The following HHLA1 variants were observed in gnomAD, a reference collection of about 807,000 sequenced individuals.
The protein encoded by HHLA1 is HERV-H LTR-associating protein 1.
In HHLA1, 72 loss-of-function variants were observed where a neutral mutation model predicts 69.9. The observed-to-expected ratio is 1.03, with a 90% CI of 0.85 to 1.25. HHLA1 has a LOEUF of 1.25. Ranked by LOEUF, HHLA1 falls within the 50% of genes most tolerant of loss-of-function variation. HHLA1 has a pLI of 0.00. For missense variants in HHLA1, 685 were observed against 642.2 expected (o/e 1.07, Z -0.72); for synonymous variants, 252 against 233.2 (o/e 1.08, Z -0.73).
chr8:132,066,168 C>T (rs1016930259), intron 15 of HHLA1, among the ~76,000 whole-genome samples, 200 bp from the exon 16 acceptor site: 1 of 152,118 alleles, frequency 6.6e-6, no homozygotes, highest in African/African-American at 2.4e-5. Context: ...GACTTTGGGG[C>T]CAGCAAGACT....
chr8:132,109,288 C>G (rs942286278), intron 1 of HHLA1, among the ~76,000 whole-genome samples: 1 of 152,140 alleles, frequency 6.6e-6, no homozygotes, highest in African/African-American at 2.4e-5. Context: ...CAGACCCTGG[C>G]GTTGGAGGAC....
At chr8:132,076,013 A>C in intron 14 of HHLA1, 42 bp downstream of exon 14, 2 of 1,413,994 alleles carry the variant, frequency 1.4e-6, no homozygotes, top group Non-Finnish European at 9.8e-7. Flanking sequence ...CCTTGTTCAA[A>C]ATAAACACAA....
intron 14 of HHLA1, among the ~76,000 whole-genome samples, chr8:132,074,656 A>C (rs1054137048): frequency 1.3e-5 from 2 of 152,152 alleles, no homozygotes; most frequent in Non-Finnish European, 2.9e-5. Context: ...AACCCCTTTA[A>C]TTTGCAATTA....
Position 132,100,092 on chromosome 8 carries a change from G to T in HHLA1, c.182C>A (p.Ala61Glu), listed in dbSNP as rs1399858773. Residue 61 changes from alanine (A) to glutamate (E), a missense_variant, in exon 4 of 17, where the codon GCA (alanine) becomes GAA (glutamate). Coordinates refer to ENST00000414222, the MANE Select transcript of HHLA1 (RefSeq NM_001145095.3). ...REEERKEKGVAFLATTELPAR... is the reference protein window; with the variant it reads ...REEERKEKGVEFLATTELPAR... ...GCACTCACCCGTCGTAGCAAGAAAT[G>T]CCACCCCCTTCTCCTTCCTCTCTTC... 1.3e-6 allele frequency: 2 copies of T among 1,551,330 alleles called. No homozygotes were observed. Among genetic ancestry groups the T allele is most frequent in the Non-Finnish European group, 8.7e-7 (1 of 1,146,776 alleles).
chr8:132,109,959 A>G (rs768212352), intron 1 of HHLA1, among the ~76,000 whole-genome samples: 5 of 152,158 alleles, frequency 3.3e-5, no homozygotes, highest in Non-Finnish European at 5.9e-5. Context: ...TTAATTTGCA[A>G]TATGTCTGTG....
Position 132,087,669 on chromosome 8 carries a change from G to T in HHLA1, c.660C>A (p.Gly220=), listed in dbSNP as rs1327965815. The part of the protein sequence containing the change: ...YPIINYTFTS[G]LSGVLGAATR... ...GGTACTCACCCAGAACACCAGACAA[G>T]CCGCTGGTAAATGTGTAATTGATAA... The change falls in exon 10 of 17, where the codon GGC becomes GGA. Residue 220 remains glycine, a synonymous_variant. Coordinates refer to ENST00000414222, the MANE Select transcript of HHLA1 (RefSeq NM_001145095.3). The T allele has an allele frequency of 6.4e-7, 1 of 1,550,956 alleles. No homozygotes were observed.
intron 10 of HHLA1, chr8:132,080,434 TG>T: frequency 3.5e-6 from 1 of 285,080 alleles, no homozygotes; most frequent in Admixed American, 5.2e-5. Flanking sequence ...CGGGCAGGAG[TG>T]GGGGTCTCAA....
chr8:132,091,138 T>A (rs1823940323), intron 7 of HHLA1, among the ~76,000 whole-genome samples: 1 of 152,206 alleles, frequency 6.6e-6, no homozygotes, highest in Non-Finnish European at 1.5e-5. Context: ...TGTTTATTAA[T>A]CCATTTATCT....
Position 132,071,600 on chromosome 8 carries a change from A to G in HHLA1, c.1316-107T>C, listed in dbSNP as rs1823546786. ...ATATAGTCTTGTCCTGATCTCACGT[A>G]GCTCTGAGACAGACAGGTAAACATA... On this transcript the variant is annotated intron_variant, in intron 14 of 16. Transcript: ENST00000414222. 8 of 1,018,920 alleles carry G rather than the reference A, an allele frequency of 7.9e-6. No homozygotes were observed. In the East Asian group the frequency reaches 2.1e-4, roughly 27 times the overall value. The allele number at this position is 1,018,920 out of a possible 1,614,324, so 63.1% of individuals were successfully genotyped here. A position where few individuals can be genotyped will look rare whatever the true frequency, so the allele number is the denominator to read the frequency against.
chr8:132,107,831 A>G (rs1206526282), intron 1 of HHLA1, among the ~76,000 whole-genome samples: 2 of 32,680 alleles, frequency 6.1e-5, no homozygotes, highest in African/African-American at 2.1e-4. Context: ...TGGAACATCC[A>G]TAGTTTGGAG....
intron 11 of HHLA1, 40 bp from the exon 12 acceptor site, chr8:132,078,011 T>C (rs751659156): frequency 1.8e-5 from 27 of 1,541,918 alleles, no homozygotes; most frequent in Non-Finnish European, 2.3e-5. Context: ...ACAGACATGC[T>C]TGACCACTTC....
intron 14 of HHLA1, among the ~76,000 whole-genome samples, chr8:132,072,272 C>T (rs531332549): frequency 1.3e-5 from 2 of 152,236 alleles, no homozygotes; most frequent in South Asian, 4.2e-4. Flanking sequence ...ACTCAGAAAG[C>T]TTCCTATGGC....
chr8:132,082,089 T>A (rs1003084538), intron 10 of HHLA1, among the ~76,000 whole-genome samples: 9 of 152,084 alleles, frequency 5.9e-5, no homozygotes, highest in African/African-American at 1.9e-4. Flanking sequence ...CCAGGTGTGG[T>A]ATCAGGAATA....
At position 132,065,913 on chromosome 8, in the gene HHLA1, T is replaced by C. The variant is rs1204294140; in HGVS notation, c.1525A>G (p.Arg509Gly). 2.3e-6 allele frequency: 3 copies of C among 1,302,946 alleles called. No homozygotes were observed. The East Asian group carries it at 1.7e-4, about 72-fold the overall frequency. 80.7% of individuals were successfully genotyped at this position (1,302,946 alleles called of 1,614,324 possible). The change falls in exon 16 of 17, where the codon AGG becomes GGG. Residue 509 changes from arginine (R) to glycine (G), a missense_variant. Arg to Gly is a moderately radical substitution (Grantham distance 125). Coordinates refer to ENST00000414222, the MANE Select transcript of HHLA1 (RefSeq NM_001145095.3). The part of the protein sequence containing the change: ...FLKNATYICQ[R>G]VKRVSHSHTL... The stretch of plus-strand genomic sequence containing the variant: ...TGCGAGTGGGACACCCTTTTCACCC[T>C]CTGACAGATATATGTTGCATTCTTC...
Position 132,098,878 on chromosome 8 carries a change from T to C in HHLA1, c.280+4A>G, listed in dbSNP as rs767390205. On this transcript the variant is annotated splice_donor_region_variant and intron_variant, in intron 5 of 16. Transcript: ENST00000414222. ...CCTGGATTGTGCTTTTAAAATATGA[T>C]TACCTTTTAACGCTCTACTGAGCAT... is the stretch of plus-strand genomic sequence containing the variant. The C allele has an allele frequency of 5.2e-6, 8 of 1,541,180 alleles. No homozygotes were observed. The African/African-American group carries it at 6.9e-5, about 13-fold the overall frequency.
intron 15 of HHLA1, among the ~76,000 whole-genome samples, chr8:132,066,596 G>A (rs1165026963): frequency 6.6e-6 from 1 of 152,208 alleles, no homozygotes; most frequent in Non-Finnish European, 1.5e-5. Flanking sequence ...CTCATTGTAT[G>A]ACTCTGGGAA....
chr8:132,083,366 G>A (rs925977956), intron 10 of HHLA1, among the ~76,000 whole-genome samples: 1 of 152,030 alleles, frequency 6.6e-6, no homozygotes, highest in African/African-American at 2.4e-5. Context: ...CCCTTGAAAA[G>A]AAGGTAATGT....
At chr8:132,095,672 C>G (rs541662959) in intron 6 of HHLA1, 31 bp downstream of exon 6, 1 of 1,540,932 alleles carries the variant, frequency 6.5e-7, no homozygotes, top group Non-Finnish European at 8.8e-7. Context: ...CCTACCACCA[C>G]CACCATCAAG....
At chr8:132,065,769 TGAG>T in intron 16 of HHLA1, 114 bp downstream of exon 16, 1 of 415,944 alleles carries the variant, frequency 2.4e-6, no homozygotes, top group Non-Finnish European at 4.7e-6. Flanking sequence ...CCCAAATTAA[TGAG>T]GACTAGATGA....
Sources: gnomAD v4.1 joint callset for allele counts (sites outside exome capture counted in the v4.1 genomes callset) on GRCh38, gnomAD v4.1.1 for gene constraint, MANE v1.5 for transcripts, NCBI Gene and HGNC (gene_info 2026-07-23, HGNC 2026-07-21) for gene names.